KDM4A: variants seen among roughly 807,000 people sequenced by gnomAD.
KDM4A encodes the protein lysine demethylase 4A, also known as lysine-specific demethylase 4A.
In KDM4A, 23 loss-of-function variants were observed where a neutral mutation model predicts 127.1. The ratio of observed to expected loss-of-function variants is 0.18; its 90% confidence interval spans 0.13 to 0.26. The LOEUF (loss-of-function observed/expected upper bound fraction) is 0.26, where lower values mean the gene tolerates loss of function less well. Ranked by LOEUF, KDM4A falls within the 10% of genes least tolerant of loss-of-function variation. KDM4A has a pLI of 1.00. For synonymous variants in KDM4A, 443 were observed against 466.5 expected (o/e 0.95, Z 0.65); for missense variants, 890 against 1,329.1 (o/e 0.67, Z 5.14).
intron 12 of KDM4A, among the ~76,000 whole-genome samples, chr1:43,687,214 C>T (rs762536186): frequency 2.0e-5 from 3 of 152,158 alleles, no homozygotes; most frequent in Admixed American, 6.5e-5. Flanking sequence ...TACACTGAGG[C>T]GGCGCACAAT....
At position 43,669,121 on chromosome 1, in the gene KDM4A, G is replaced by C. The variant is rs181524688; in HGVS notation, c.1185G>C (p.Gly395=). The C allele has an allele frequency of 1.9e-6, 3 of 1,614,186 alleles. No homozygotes were observed. In the East Asian group the frequency reaches 6.7e-5, roughly 36 times the overall value. The change falls in exon 10 of 22, where the codon GGG becomes GGC. Residue 395 remains glycine (G), a synonymous_variant. Coordinates refer to ENST00000372396, the MANE Select transcript of KDM4A (RefSeq NM_014663.3). ...LKTSLAKHRI[G]TKRHRVCLEI... is the part of the protein sequence containing the mutation. The stretch of plus-strand genomic sequence containing the variant: ...GCAGCCTGGCCAAGCACCGAATAGG[G>C]ACAAAGAGGCACCGAGTTTGTCTTG...
Position 43,671,879 on chromosome 1 carries a change from T to C in KDM4A, c.1734+4T>C. 3.9e-6 allele frequency: 6 copies of C among 1,554,714 alleles called. No individual in the cohort carries two copies. Among genetic ancestry groups the C allele is most frequent in the Admixed American group, 1.9e-5 (1 of 52,926 alleles). The stretch of plus-strand genomic sequence containing the variant: ...CAGTGAGCGGGAGCTGGCAGAGGTA[T>C]GGGCTCCAGGCAGTGGTGTGGGGTG... On this transcript the variant is annotated splice_donor_region_variant and intron_variant, in intron 11 of 21. Coordinates refer to ENST00000372396, the MANE Select transcript of KDM4A (RefSeq NM_014663.3).
chr1:43,654,576 G>T (rs1660192944), intron 2 of KDM4A, among the ~76,000 whole-genome samples: 1 of 148,686 alleles, frequency 6.7e-6, no homozygotes, highest in Non-Finnish European at 1.5e-5. Context: ...TATTACTATT[G>T]GAATGGGTAA....
chr1:43,658,958 G>GT (rs58811976), intron 3 of KDM4A, among the ~76,000 whole-genome samples: 4,192 of 145,326 alleles, frequency 0.029, 178 homozygotes, highest in African/African-American at 0.094. Context: ...TCTAAAAGAA[G>GT]TTTTTTTTTT....
chr1:43,697,881 G>C lies in KDM4A; in HGVS notation c.2709G>C (p.Gln903His), dbSNP rs750514845. The change falls in exon 19 of 22, where the codon CAG (glutamine) becomes CAC (histidine). Residue 903 changes from glutamine to histidine, a missense_variant. Around this residue, in one of 7 missense-constraint regions of KDM4A, gnomAD observed 246 missense variants for 418.4 expected, o/e 0.59. Coordinates refer to ENST00000372396, the MANE Select transcript of KDM4A (RefSeq NM_014663.3). ...CCTTGCAAAGCATCACTGCAGGCCAGAAAGTCATTAGCAAGCATAAGAACG... is the reference window on the plus strand; with the variant it reads ...CCTTGCAAAGCATCACTGCAGGCCACAAAGTCATTAGCAAGCATAAGAACG... ...KGALQSITAG[Q>H]KVISKHKNGR... is the part of the protein sequence containing the mutation. 1.2e-6 allele frequency: 2 copies of C among 1,613,780 alleles called. No individual in the cohort carries two copies. Among genetic ancestry groups the C allele is most frequent in the Admixed American group, 1.7e-5 (1 of 59,968 alleles).
chr1:43,693,071 AC>A lies in KDM4A; in HGVS notation c.2375+761del. On this transcript the variant is annotated intron_variant, in intron 16 of 21. Transcript: ENST00000372396. This position sits in a 1 kb window ranked among gnomAD's most constrained non-coding sequence, Gnocchi z 4.2. Reference sequence around the variant, plus strand: ...GTTATGCTGTCCCTGAGAGATAGCTACTCTGCCTGCTGCTTCTGCTCCTTCA... The same window carrying A: ...GTTATGCTGTCCCTGAGAGATAGCTATCTGCCTGCTGCTTCTGCTCCTTCA... Among the ~76,000 whole-genome samples the A allele has an allele frequency of 6.6e-6, 1 of 152,072 alleles. No homozygotes were observed. Among genetic ancestry groups the A allele is most frequent in the South Asian group, 2.1e-4 (1 of 4,826 alleles).
In KDM4A at chr1:43,704,050, G is replaced by A; in HGVS notation, c.2992G>A (p.Val998Ile). The change falls in exon 21 of 22, where the codon GTT (valine) becomes ATT (isoleucine). Residue 998 changes from valine to isoleucine, a missense_variant. By Grantham distance (29) the Val-to-Ile change is conservative. Transcript: ENST00000372396. ...GTTTGAGGATGGCTCACAACTTGTGGTTAAGAGAGATGATGTATACACACT... is the reference window on the plus strand; with the variant it reads ...GTTTGAGGATGGCTCACAACTTGTGATTAAGAGAGATGATGTATACACACT... ...VEFEDGSQLV[V>I]KRDDVYTLDE... is the part of the protein sequence containing the mutation. 6.2e-7 allele frequency: 1 copy of A among 1,614,164 alleles called. No individual in the cohort carries two copies. The highest frequency in any genetic ancestry group is 8.5e-7 in the Non-Finnish European group (1 of 1,180,026).
At chr1:43,686,242 T>C (rs1660975634) in intron 12 of KDM4A, among the ~76,000 whole-genome samples, 1 of 138,918 alleles carries the variant, frequency 7.2e-6, no homozygotes, top group Non-Finnish European at 1.5e-5. Flanking sequence ...TACTGCAACC[T>C]CTGCCTCCTG....
intron 19 of KDM4A, among the ~76,000 whole-genome samples, chr1:43,702,923 C>T (rs1661439411): frequency 6.6e-6 from 1 of 151,816 alleles, no homozygotes; most frequent in Admixed American, 6.6e-5. Context: ...CCCAGCTACT[C>T]GGGAGGCTGA....
At chr1:43,678,590 T>TG (rs1557912795) in intron 11 of KDM4A, among the ~76,000 whole-genome samples, 1 of 149,012 alleles carries the variant, frequency 6.7e-6, no homozygotes, top group Non-Finnish European at 1.5e-5. Context: ...CAGATAGGTT[T>TG]TTTTTTTTTT....
At position 43,694,238 on chromosome 1, in the gene KDM4A, C is replaced by T. The variant is rs1160948189; in HGVS notation, c.2484+136C>T. ...TGTGGTTAGATTCCTTAGTGGAGGC[C>T]AGGTGTGGTGGCTCACACCTGTAAT... On this transcript the variant is annotated intron_variant, in intron 17 of 21. Transcript: ENST00000372396. This position sits in a 1 kb window ranked among gnomAD's most constrained non-coding sequence, Gnocchi z 5.2. 2.8e-6 allele frequency: 2 copies of T among 705,392 alleles called. No homozygotes were observed. The highest frequency in any genetic ancestry group is 1.8e-5 in the African/African-American group (1 of 55,964). 43.7% of individuals were successfully genotyped at this position (705,392 alleles called of 1,614,324 possible).
chr1:43,697,815 A>G, intron 18 of KDM4A, 28 bp from the exon 19 acceptor site: 1 of 1,603,200 alleles, frequency 6.2e-7, no homozygotes, highest in East Asian at 2.2e-5. Flanking sequence ...TCCACGTGTG[A>G]GTAACCAAAG....
intron 3 of KDM4A, among the ~76,000 whole-genome samples, chr1:43,660,033 T>A (rs895719801): frequency 3.1e-4 from 47 of 152,344 alleles, no homozygotes; most frequent in African/African-American, 1.1e-3. Flanking sequence ...TAGAGTCTCT[T>A]CAGAGAGTTG....
intron 11 of KDM4A, among the ~76,000 whole-genome samples, chr1:43,680,958 C>T (rs1192158220): frequency 3.9e-5 from 6 of 152,332 alleles, no homozygotes; most frequent in Non-Finnish European, 8.8e-5. Flanking sequence ...TACTATCTCC[C>T]TTTCACAAGC....
At position 43,685,568 on chromosome 1, in the gene KDM4A, A is replaced by G. The variant is rs374281870; in HGVS notation, c.1855+1764A>G. ...TGGATCACAAGGTCAGGAGATCGAG[A>G]CCATCCTGGCTAACATGGTGAAACA... On this transcript the variant is annotated intron_variant, in intron 12 of 21. Coordinates refer to ENST00000372396, the MANE Select transcript of KDM4A (RefSeq NM_014663.3). Among the ~76,000 whole-genome samples the G allele has an allele frequency of 6.6e-5, 10 of 151,844 alleles. No individual in the cohort carries two copies. The East Asian group carries it at 1.5e-3, about 23-fold the overall frequency.
In KDM4A at chr1:43,671,527, C is replaced by T; in HGVS notation, c.1386C>T (p.Val462=). 6.4e-7 allele frequency: 1 copy of T among 1,568,478 alleles called. No individual in the cohort carries two copies. The highest frequency in any genetic ancestry group is 8.6e-7 in the Non-Finnish European group (1 of 1,158,736). ...CAGATTATTCTGACTCCACTGAAGT[C>T]AAATTTGAAGAGCTTAAAAATGTCA... The part of the protein sequence containing the change: ...TFPDYSDSTE[V]KFEELKNVKL... Residue 462 remains valine, a synonymous_variant, in exon 11 of 22, where the codon GTC becomes GTT. Coordinates refer to ENST00000372396, the MANE Select transcript of KDM4A (RefSeq NM_014663.3).
intron 11 of KDM4A, among the ~76,000 whole-genome samples, chr1:43,676,713 A>G (rs987533667): frequency 2.0e-5 from 3 of 152,156 alleles, no homozygotes; most frequent in African/African-American, 7.2e-5. Context: ...TTAAAATTAT[A>G]TTATCTTCAT....
chr1:43,659,009 T>C (rs1660312413), intron 3 of KDM4A, among the ~76,000 whole-genome samples: 1 of 152,010 alleles, frequency 6.6e-6, no homozygotes, highest in African/African-American at 2.4e-5. Context: ...AGTATAGATA[T>C]TTTTAGACTG....
At chr1:43,662,473 T>C (rs770449424) in intron 4 of KDM4A, among the ~76,000 whole-genome samples, 1 of 151,942 alleles carries the variant, frequency 6.6e-6, no homozygotes, top group Non-Finnish European at 1.5e-5. Flanking sequence ...TTGGGCATGG[T>C]GGTGGGTGCC....
Sources: gnomAD v4.1 joint callset for allele counts (sites outside exome capture counted in the v4.1 genomes callset) on GRCh38, gnomAD v4.1.1 for gene constraint, gnomAD v4.1.1 regional missense constraint, Gnocchi (gnomAD v3.1) non-coding constraint, MANE v1.5 for transcripts, NCBI Gene and HGNC (gene_info 2026-07-23, HGNC 2026-07-21) for gene names.